The following CMTR1 variants were observed in gnomAD, a reference collection of about 807,000 sequenced individuals.
CMTR1 encodes the protein cap-specific mRNA (nucleoside-2'-O-)-methyltransferase 1.
In CMTR1, 39 loss-of-function variants were observed where a neutral mutation model predicts 107.0. The observed-to-expected ratio is 0.36, with a 90% CI of 0.28 to 0.48. CMTR1 has a LOEUF of 0.48. CMTR1 is among the 20% of genes least tolerant of loss of function. The pLI is 0.99. For missense variants in CMTR1, 672 were observed against 1,064.9 expected (o/e 0.63, Z 5.14); for synonymous variants, 366 against 379.5 (o/e 0.96, Z 0.41).
upstream of CMTR1, among the ~76,000 whole-genome samples, chr6:37,429,275 ATCTT>A (rs1262791550): frequency 6.6e-6 from 1 of 152,062 alleles, no homozygotes; most frequent in African/African-American, 2.4e-5. Context: ...GAGACTCACT[ATCTT>A]TCTATTCATT....
the CMTR1 span, among the ~76,000 whole-genome samples, chr6:37,427,285 G>T: frequency 6.6e-6 from 1 of 152,004 alleles, no homozygotes; most frequent in Non-Finnish European, 1.5e-5. This position sits in a 1 kb window ranked among gnomAD's most constrained non-coding sequence, Gnocchi z 4.4. Flanking sequence ...CCATATTCCC[G>T]GTGCTTCCTA....
At chr6:37,461,478 T>G (rs1308384009) in intron 10 of CMTR1, 71 bp from the exon 11 acceptor site, 11 of 772,390 alleles carry the variant, frequency 1.4e-5, no homozygotes, top group East Asian at 2.5e-5. Context: ...TCGATGAAGA[T>G]GAGGTAGTGA....
rs796839914 is a variant in CMTR1, at chr6:37,468,160, CT to C, written c.1506-2850del. On this transcript the variant is annotated intron_variant, in intron 13 of 23. Coordinates refer to ENST00000373451, the MANE Select transcript of CMTR1 (RefSeq NM_015050.3). ...TATCTCTTTGAGGTTTTTTAGATGC[CT>C]TTTTTTTTTTGCTATGTTTCAATTG... Among the ~76,000 whole-genome samples, 530 of 141,544 alleles carry C rather than the reference CT, an allele frequency of 3.7e-3. 1 individual carries two copies. Among genetic ancestry groups the C allele is most frequent in the African/African-American group, 8.4e-3 (330 of 39,174 alleles). 92.9% of individuals were successfully genotyped at this position (141,544 alleles called of 152,430 possible).
chr6:37,471,924 A>C lies in CMTR1; in HGVS notation c.1620+20A>C. On this transcript the variant is annotated intron_variant, in intron 15 of 23. Coordinates refer to ENST00000373451, the MANE Select transcript of CMTR1 (RefSeq NM_015050.3). ...TGGGGGGTGAGTATCTCCCCCGCCCATTGCTGCTTCAGGGCAGGGAAGCCA... is the reference window on the plus strand; with the variant it reads ...TGGGGGGTGAGTATCTCCCCCGCCCCTTGCTGCTTCAGGGCAGGGAAGCCA... 1 of 1,609,612 alleles carries C rather than the reference A, an allele frequency of 6.2e-7. No individual in the cohort carries two copies. The highest frequency in any genetic ancestry group is 8.5e-7 in the Non-Finnish European group (1 of 1,177,960).
rs1761727851 is a variant in CMTR1 at position 37,475,968 on chromosome 6, A to C, written c.2037-158A>C. 3 of 664,558 alleles carry C rather than the reference A, an allele frequency of 4.5e-6. No homozygotes were observed. In the East Asian group the frequency reaches 8.0e-5, roughly 18 times the overall value. 41.2% of individuals were successfully genotyped at this position (664,558 alleles called of 1,614,324 possible). ...AATAAAGACGTCGGTGGAGAAGGGC[A>C]GGGCGGGCTTCCTGGGGGACATGGG... On this transcript the variant is annotated intron_variant, in intron 19 of 23. Coordinates refer to ENST00000373451, the MANE Select transcript of CMTR1 (RefSeq NM_015050.3).
At chr6:37,428,057 A>AGAGGGAGG in the CMTR1 span, among the ~76,000 whole-genome samples, 7 of 143,136 alleles carry the variant, frequency 4.9e-5, no homozygotes, top group African/African-American at 1.9e-4. Context: ...AGAGAGAGAG[A>AGAGGGAGG]GAGAAACTCT....
intron 3 of CMTR1, among the ~76,000 whole-genome samples, chr6:37,446,001 A>G (rs996682589): frequency 3.9e-5 from 6 of 152,174 alleles, no homozygotes; most frequent in African/African-American, 1.2e-4. Context: ...CAAATGTCCA[A>G]TGAGAGATTC....
chr6:37,473,990 C>T (rs1292555917), intron 17 of CMTR1, among the ~76,000 whole-genome samples: 1 of 152,190 alleles, frequency 6.6e-6, no homozygotes, highest in Non-Finnish European at 1.5e-5. Flanking sequence ...CTGTCCCTAC[C>T]CTGGGCCCCC....
chr6:37,457,224 A>C (rs1373612934), intron 8 of CMTR1, among the ~76,000 whole-genome samples: 2 of 152,022 alleles, frequency 1.3e-5, no homozygotes, highest in East Asian at 3.9e-4. Context: ...TGCCAAAAAA[A>C]AAAAAAACAA....
chr6:37,470,176 T>C (rs914420039), intron 13 of CMTR1, among the ~76,000 whole-genome samples: 2 of 151,928 alleles, frequency 1.3e-5, no homozygotes, highest in African/African-American at 4.8e-5. Context: ...AGATGGAGTC[T>C]TGCACTGTTG....
intron 20 of CMTR1, 79 bp downstream of exon 20, chr6:37,476,273 T>G: frequency 6.9e-7 from 1 of 1,446,048 alleles, no homozygotes. Context: ...ACAGGAGGGC[T>G]CAGTGGAGGG....
intron 23 of CMTR1, 25 bp downstream of exon 23, chr6:37,479,280 C>A: frequency 1.3e-6 from 2 of 1,499,510 alleles, no homozygotes; most frequent in Non-Finnish European, 1.9e-6. Flanking sequence ...TCCAAGCCTG[C>A]CCTCCTTAGC....
chr6:37,458,803 C>T lies in CMTR1; in HGVS notation c.969C>T (p.Pro323=). ...CTGCTTCCAGTGAACTCTTCGAACC[C>T]TACTATGGTAGGGACATTGAGGAGG... The part of the protein sequence containing the change: ...FYSASSELFE[P]YYGEGGIDGD... Residue 323 remains proline (P), a synonymous_variant, in exon 9 of 24, where the codon CCC becomes CCT. Transcript: ENST00000373451. This position sits in a 1 kb window ranked among gnomAD's most constrained non-coding sequence, Gnocchi z 4.7. 1 of 1,613,976 alleles carries T rather than the reference C, an allele frequency of 6.2e-7. No individual in the cohort carries two copies. Among genetic ancestry groups the T allele is most frequent in the Non-Finnish European group, 8.5e-7 (1 of 1,180,004 alleles).
At chr6:37,434,097 G>A (rs1014319591) in intron 1 of CMTR1, among the ~76,000 whole-genome samples, 1 of 152,250 alleles carries the variant, frequency 6.6e-6, no homozygotes, top group Admixed American at 6.5e-5. Context: ...CTCACCCTGG[G>A]GGCCTTTTGG....
the CMTR1 span, among the ~76,000 whole-genome samples, chr6:37,428,061 A>AGAGGGAG: frequency 2.8e-5 from 4 of 142,958 alleles, no homozygotes; most frequent in South Asian, 2.2e-4. Context: ...AGAGAGAGAG[A>AGAGGGAG]AACTCTCTAA....
At chr6:37,468,287 A>G (rs1371921088) in intron 13 of CMTR1, among the ~76,000 whole-genome samples, 6 of 152,060 alleles carry the variant, frequency 3.9e-5, no homozygotes, top group Admixed American at 3.9e-4. Context: ...AACACGATAC[A>G]TGCTATTGTT....
chr6:37,428,006 GAC>G, the CMTR1 span, among the ~76,000 whole-genome samples: 309 of 116,768 alleles, frequency 2.6e-3, 2 homozygotes, highest in African/African-American at 0.011. Flanking sequence ...AAGCAACAGA[GAC>G]AGAGAGAGAG....
At chr6:37,465,702 C>T (rs1185282660) in intron 13 of CMTR1, among the ~76,000 whole-genome samples, 1 of 152,166 alleles carries the variant, frequency 6.6e-6, no homozygotes, top group Non-Finnish European at 1.5e-5. Context: ...AGCATGTTGG[C>T]CAGGCTGGTC....
rs770340791 is a variant in CMTR1, at chr6:37,480,030, G to A, written c.2393G>A (p.Arg798Gln). Residue 798 changes from arginine (R) to glutamine (Q), a missense_variant, in exon 24 of 24, where the codon CGG (arginine) becomes CAG (glutamine). Arg to Gln is a conservative substitution (Grantham distance 43). Transcript: ENST00000373451. ...CTCCCCAGCATTTGCTACTATGGCC[G>A]GCTCTTCTGGGAGTGGGGGGATGGC... ...IAPFHICYYG[R>Q]LFWEWGDGIR... 4 of 1,576,796 alleles carry A rather than the reference G, an allele frequency of 2.5e-6. No homozygotes were observed. Among genetic ancestry groups the A allele is most frequent in the South Asian group, 1.2e-5 (1 of 84,666 alleles).
Sources: gnomAD v4.1 joint callset for allele counts (sites outside exome capture counted in the v4.1 genomes callset) on GRCh38, gnomAD v4.1.1 for gene constraint, Gnocchi (gnomAD v3.1) non-coding constraint, MANE v1.5 for transcripts, NCBI Gene and HGNC (gene_info 2026-07-23, HGNC 2026-07-21) for gene names.